ANO10: variants seen among roughly 807,000 people sequenced by gnomAD.
The protein encoded by ANO10 is anoctamin-10.
Under a neutral mutation model 74.7 loss-of-function variants are expected in ANO10, and 77 were observed. The observed-to-expected ratio is 1.03, with a 90% CI of 0.86 to 1.25. The LOEUF (loss-of-function observed/expected upper bound fraction) is 1.25. ANO10 is among the 50% of genes most tolerant of loss of function. The pLI, the probability that ANO10 is intolerant of heterozygous loss-of-function variation, is 0.00. For synonymous variants in ANO10, 279 were observed against 284.9 expected (o/e 0.98, Z 0.21); for missense variants, 721 against 778.1 (o/e 0.93, Z 0.87).
At position 43,576,674 on chromosome 3, in the gene ANO10, T is replaced by C; in HGVS notation, c.1162+18A>G. 1 of 1,612,992 alleles carries C rather than the reference T, an allele frequency of 6.2e-7. No homozygotes were observed. The highest frequency in any genetic ancestry group is 8.5e-7 in the Non-Finnish European group (1 of 1,179,072). Reference sequence around the variant, plus strand: ...CTTACAGGCAAGTAAGACGTGAATATAAAGCCTCAAGTCTTACCCCATGAA... The same window carrying C: ...CTTACAGGCAAGTAAGACGTGAATACAAAGCCTCAAGTCTTACCCCATGAA... On this transcript the variant is annotated intron_variant, in intron 6 of 12. Coordinates refer to ENST00000292246, the MANE Select transcript of ANO10 (RefSeq NM_018075.5).
intron 11 of ANO10, among the ~76,000 whole-genome samples, chr3:43,434,256 T>C (rs1414398720): frequency 6.6e-6 from 1 of 152,182 alleles, no homozygotes; most frequent in Non-Finnish European, 1.5e-5. Context: ...TGGAAGATAC[T>C]GATTAAGGGT....
intron 12 of ANO10, among the ~76,000 whole-genome samples, chr3:43,407,389 C>T (rs943600901): frequency 2.0e-5 from 3 of 152,192 alleles, no homozygotes; most frequent in African/African-American, 7.2e-5. Context: ...CTTAAAGAGA[C>T]TGCCAAATTG....
chr3:43,409,660 G>A (rs975428176), intron 12 of ANO10, among the ~76,000 whole-genome samples: 4 of 152,164 alleles, frequency 2.6e-5, no homozygotes, highest in Non-Finnish European at 4.4e-5. Context: ...TACAGTTCAT[G>A]TTACTTACAG....
At chr3:43,444,676 T>G (rs1437743536) in intron 11 of ANO10, among the ~76,000 whole-genome samples, 1 of 152,074 alleles carries the variant, frequency 6.6e-6, no homozygotes, top group Non-Finnish European at 1.5e-5. Context: ...CACAGGAAAG[T>G]GGGTGGCTCT....
intron 11 of ANO10, among the ~76,000 whole-genome samples, chr3:43,536,119 T>C (rs1366645712): frequency 2.6e-5 from 4 of 152,266 alleles, no homozygotes; most frequent in Non-Finnish European, 5.9e-5. Context: ...TTGTAGATTA[T>C]TTAAACATTC....
intron 1 of ANO10, among the ~76,000 whole-genome samples, chr3:43,669,782 AGTGGCACTAT>A (rs1262572341): frequency 2.6e-5 from 4 of 152,072 alleles, no homozygotes; most frequent in African/African-American, 4.8e-5. Flanking sequence ...GCCAGAGTGC[AGTGGCACTAT>A]CTCGGCTCAC....
chr3:43,366,782 T>C lies in ANO10; in HGVS notation c.*124A>G. On this transcript the variant is annotated 3_prime_UTR_variant, in exon 13 of 13. Transcript: ENST00000292246. ...GCTTGCCACATGGGAGCCACTTCGT[T>C]TGGCTAAGCATTGGGTCTGGGTTCA... 1.0e-6 allele frequency: 1 copy of C among 1,000,852 alleles called. No individual in the cohort carries two copies. Among genetic ancestry groups the C allele is most frequent in the East Asian group, 2.6e-5 (1 of 38,428 alleles). The allele number at this position is 1,000,852 out of a possible 1,614,324, so 62.0% of individuals were successfully genotyped here.
At chr3:43,690,717 C>A (rs1279152173) in intron 1 of ANO10, 5 of 399,284 alleles carry the variant, frequency 1.3e-5, no homozygotes, top group Non-Finnish European at 2.2e-5. Context: ...TCGGGTGAGT[C>A]TCGCCAGTCC....
At chr3:43,489,759 A>C (rs903594577) in intron 11 of ANO10, among the ~76,000 whole-genome samples, 1 of 152,162 alleles carries the variant, frequency 6.6e-6, no homozygotes, top group African/African-American at 2.4e-5. Flanking sequence ...CTTTTCTTTG[A>C]GCTAGAAGAC....
intron 10 of ANO10, among the ~76,000 whole-genome samples, chr3:43,552,423 A>G (rs2079508232): frequency 6.6e-6 from 1 of 152,010 alleles, no homozygotes; most frequent in African/African-American, 2.4e-5. Flanking sequence ...TATATTTAGA[A>G]TCATTGGACA....
intron 11 of ANO10, among the ~76,000 whole-genome samples, chr3:43,452,175 C>A (rs2074907983): frequency 1.3e-5 from 2 of 151,998 alleles, no homozygotes; most frequent in Non-Finnish European, 2.9e-5. Flanking sequence ...TTTAAAAAAA[C>A]CAACAACACT....
At chr3:43,372,798 T>A (rs1425192912) in intron 12 of ANO10, 1 of 1,530,326 alleles carries the variant, frequency 6.5e-7, no homozygotes, top group South Asian at 1.2e-5. Context: ...TGGCACTGAG[T>A]TGGTGCTCCA....
intron 12 of ANO10, among the ~76,000 whole-genome samples, chr3:43,399,817 C>G (rs1464546360): frequency 6.6e-6 from 1 of 152,182 alleles, no homozygotes; most frequent in Non-Finnish European, 1.5e-5. Flanking sequence ...ATAGCCTTTC[C>G]TTGCATCCCC....
At position 43,637,992 on chromosome 3, in the gene ANO10, A is replaced by T. The variant is rs77516653; in HGVS notation, c.-11-32129T>A. On this transcript the variant is annotated intron_variant, in intron 1 of 3. Coordinates refer to the ANO10 transcript ENST00000413397. ...AAAAATTGTTTCCTTCATAAAGCATAAAGGAAATGTGCATATTTATCTTCA... is the reference window on the plus strand; with the variant it reads ...AAAAATTGTTTCCTTCATAAAGCATTAAGGAAATGTGCATATTTATCTTCA... Among the ~76,000 whole-genome samples, 334 of 152,360 alleles carry T rather than the reference A, an allele frequency of 2.2e-3. 1 individual carries two copies. The highest frequency in any genetic ancestry group is 7.3e-3 in the African/African-American group (303 of 41,582).
At position 43,682,456 on chromosome 3, in the gene ANO10, A is replaced by G. The variant is rs538939523; in HGVS notation, c.-12+9061T>C. On this transcript the variant is annotated intron_variant, in intron 1 of 3. Coordinates refer to the ANO10 transcript ENST00000413397. ...ACAATTAATAGCTTACCAACCAAAA[A>G]AAGTTCAGGACCAGATGGATTCACA... 4.4e-4 allele frequency among the ~76,000 whole-genome samples: 67 copies of G among 152,336 alleles called. No homozygotes were observed. In the Middle Eastern group the frequency reaches 0.014, roughly 31 times the overall value.
chr3:43,390,684 T>C (rs942098383), intron 12 of ANO10, among the ~76,000 whole-genome samples: 1 of 152,190 alleles, frequency 6.6e-6, no homozygotes, highest in African/African-American at 2.4e-5. Context: ...AGAAGACTTA[T>C]GGGGAGGACT....
intron 12 of ANO10, among the ~76,000 whole-genome samples, chr3:43,378,347 G>A (rs1215658114): frequency 2.0e-5 from 3 of 152,204 alleles, no homozygotes; most frequent in Non-Finnish European, 4.4e-5. Flanking sequence ...GGTGGTGGCA[G>A]AGGGGATTGG....
chr3:43,630,468 GA>G (rs201115900), intron 1 of ANO10, among the ~76,000 whole-genome samples: 2 of 151,696 alleles, frequency 1.3e-5, no homozygotes, highest in Non-Finnish European at 1.5e-5. Context: ...AATTCAGAGG[GA>G]AAAAAAAGCC....
intron 11 of ANO10, among the ~76,000 whole-genome samples, chr3:43,492,575 A>T (rs2076764454): frequency 6.6e-6 from 1 of 152,126 alleles, no homozygotes; most frequent in African/African-American, 2.4e-5. Flanking sequence ...ATCTACAAAG[A>T]ACTTAAATTT....
Sources: allele counts gnomAD v4.1 joint callset (sites outside exome capture counted in the v4.1 genomes callset), GRCh38; gene constraint gnomAD v4.1.1; transcripts MANE v1.5; gene names NCBI Gene and HGNC (gene_info 2026-07-23, HGNC 2026-07-21).